Variants in UBAC2 observed in about 807,000 individuals in gnomAD.
UBAC2 encodes the protein UBA domain containing 2, also known as ubiquitin-associated domain-containing protein 2.
A neutral mutation model predicts 44.0 loss-of-function variants in UBAC2; 26 were observed. That is an observed-to-expected ratio of 0.59 (90% CI 0.43 to 0.82). The LOEUF (loss-of-function observed/expected upper bound fraction) is 0.82, where lower values mean the gene tolerates loss of function less well. UBAC2 is among the 40% of genes least tolerant of loss of function. The probability of loss-of-function intolerance (pLI) is 0.00; values close to 1 mark genes in which losing one functional copy is unlikely to be tolerated. For synonymous variants in UBAC2, 155 were observed against 154.3 expected (o/e 1.00, Z -0.04); for missense variants, 329 against 419.4 (o/e 0.78, Z 1.88).
At chr13:99,301,748 C>G (rs2138732920) in intron 4 of UBAC2, among the ~76,000 whole-genome samples, 1 of 152,300 alleles carries the variant, frequency 6.6e-6, no homozygotes, top group Middle Eastern at 3.4e-3. Flanking sequence ...GGACATGTAC[C>G]TTCCATGGTC....
intron 1 of UBAC2, chr13:99,201,460 CTGA>C (rs1459532770): frequency 1.4e-5 from 23 of 1,614,134 alleles, no homozygotes; most frequent in Non-Finnish European, 1.9e-5. Context: ...CAAACACACA[CTGA>C]TGAGAGTGCT....
chr13:99,224,342 T>C (rs1399978036), intron 1 of UBAC2, among the ~76,000 whole-genome samples: 1 of 152,210 alleles, frequency 6.6e-6, no homozygotes, highest in Non-Finnish European at 1.5e-5. Context: ...TTAAAGGGCC[T>C]ATCTCCAAAC....
chr13:99,271,333 T>C (rs1349772074), intron 4 of UBAC2, among the ~76,000 whole-genome samples: 4 of 152,136 alleles, frequency 2.6e-5, no homozygotes, highest in African/African-American at 7.2e-5. Flanking sequence ...TGTGGAGATA[T>C]TGGGGAAAGT....
rs371189661 is a variant in UBAC2 at position 99,265,303 on chromosome 13, A to G, written c.389+20679A>G. On this transcript the variant is annotated intron_variant, in intron 4 of 8. Transcript: ENST00000403766. ...CAGCTTCTTGCGCTCAGCAAGCCAC[A>G]GTCTAAAGAGAGTCTTAACTGAGAA... Among the ~76,000 whole-genome samples the G allele has an allele frequency of 1.4e-3, 209 of 152,380 alleles. 2 individuals carry two copies. The highest frequency in any genetic ancestry group is 4.9e-3 in the African/African-American group (204 of 41,596).
intron 1 of UBAC2, among the ~76,000 whole-genome samples, chr13:99,222,448 T>A (rs1476967272): frequency 6.6e-6 from 1 of 152,180 alleles, no homozygotes; most frequent in Non-Finnish European, 1.5e-5. Context: ...ACTTCCTAAG[T>A]GCTTAATAAA....
intron 2 of UBAC2, among the ~76,000 whole-genome samples, chr13:99,242,524 T>C (rs1441191302): frequency 8.1e-6 from 1 of 123,344 alleles, no homozygotes; most frequent in African/African-American, 3.1e-5. Context: ...CCCACCTCCC[T>C]CCCGGACGGG....
At chr13:99,280,828 TCC>T (rs528865435) in intron 4 of UBAC2, among the ~76,000 whole-genome samples, 1,607 of 101,758 alleles carry the variant, frequency 0.016, 30 homozygotes, top group African/African-American at 0.043. Flanking sequence ...CCTTCTTCTT[TCC>T]CTCTCTCTCT....
chr13:99,241,839 C>G lies in UBAC2; in HGVS notation c.160-1993C>G, dbSNP rs566840088. On this transcript the variant is annotated intron_variant, in intron 2 of 8. Transcript: ENST00000403766. The stretch of plus-strand genomic sequence containing the variant: ...AGTGGAGGGAAGGTCAGCAGATAAA[C>G]AAGTGAACAAAGGTCTCTGGTTTTC... Among the ~76,000 whole-genome samples the G allele has an allele frequency of 3.8e-3, 544 of 143,814 alleles. 6 individuals are homozygous for G. Among genetic ancestry groups the G allele is most frequent in the South Asian group, 9.4e-3 (42 of 4,454 alleles). The allele number at this position is 143,814 out of a possible 152,430, so 94.3% of individuals were successfully genotyped here.
At chr13:99,330,427 C>G (rs1033633766) in intron 6 of UBAC2, among the ~76,000 whole-genome samples, 4 of 99,862 alleles carry the variant, frequency 4.0e-5, no homozygotes, top group Non-Finnish European at 7.7e-5. Flanking sequence ...CCACTGCACT[C>G]CAGCCTGGGT....
intron 6 of UBAC2, among the ~76,000 whole-genome samples, chr13:99,322,639 G>A (rs994105886): frequency 2.6e-5 from 4 of 152,074 alleles, no homozygotes; most frequent in East Asian, 1.9e-4. Context: ...CAGTATATCA[G>A]ACTTTGATTA....
At chr13:99,326,443 A>G (rs544048562) in intron 6 of UBAC2, among the ~76,000 whole-genome samples, 3 of 152,270 alleles carry the variant, frequency 2.0e-5, no homozygotes, top group South Asian at 2.1e-4. Context: ...TAGGAATTCT[A>G]TGTTATTCTT....
intron 4 of UBAC2, among the ~76,000 whole-genome samples, chr13:99,309,203 C>A (rs1046259189): frequency 9.9e-5 from 15 of 151,670 alleles, no homozygotes; most frequent in Admixed American, 9.2e-4. Flanking sequence ...CTCCACCTCC[C>A]GGCTTCAAGC....
intron 1 of UBAC2, among the ~76,000 whole-genome samples, chr13:99,227,623 C>G (rs565304601): frequency 6.6e-6 from 1 of 152,298 alleles, no homozygotes; most frequent in East Asian, 1.9e-4. Flanking sequence ...GTTCATTTCT[C>G]ATAGGATTTA....
intron 4 of UBAC2, among the ~76,000 whole-genome samples, chr13:99,279,157 T>G (rs576691962): frequency 6.6e-6 from 1 of 152,258 alleles, no homozygotes; most frequent in South Asian, 2.1e-4. Context: ...TCTTACCCCT[T>G]TATCTCCCCT....
chr13:99,333,097 G>A (rs946933287), intron 6 of UBAC2, among the ~76,000 whole-genome samples: 2 of 86,644 alleles, frequency 2.3e-5, no homozygotes, highest in Admixed American at 2.4e-4. Context: ...CCCCGTCTCT[G>A]GGGGGGGAAG....
chr13:99,271,435 AT>A (rs1167402710), intron 4 of UBAC2, among the ~76,000 whole-genome samples: 1 of 151,662 alleles, frequency 6.6e-6, no homozygotes, highest in Non-Finnish European at 1.5e-5. Flanking sequence ...TGATGGGGGG[AT>A]GGGGTGTGGG....
At chr13:99,242,663 CGGCTGGCCGGGCGGGG>C (rs559857277) in intron 2 of UBAC2, among the ~76,000 whole-genome samples, 7,219 of 22,168 alleles carry the variant, frequency 0.33, no homozygotes, top group South Asian at 0.38. Flanking sequence ...CCGGACGGGG[CGGCTGGCCGGGCGGGG>C]GGCTGACCCC....
chr13:99,373,985 T>C (rs948383763), intron 8 of UBAC2, among the ~76,000 whole-genome samples: 2 of 152,166 alleles, frequency 1.3e-5, no homozygotes, highest in African/African-American at 4.8e-5. Context: ...ATGTTACCAT[T>C]TGGTGCATTA....
chr13:99,361,049 G>C (rs1054718208), intron 7 of UBAC2, among the ~76,000 whole-genome samples: 1 of 152,132 alleles, frequency 6.6e-6, no homozygotes, highest in South Asian at 2.1e-4. Context: ...ATGGATTTCT[G>C]TTCCATGGAA....
Sources: gnomAD v4.1 joint callset for allele counts (sites outside exome capture counted in the v4.1 genomes callset) on GRCh38, gnomAD v4.1.1 for gene constraint, MANE v1.5 for transcripts, NCBI Gene and HGNC (gene_info 2026-07-23, HGNC 2026-07-21) for gene names.